The following CADPS2 variants were observed in gnomAD, a reference collection of about 807,000 sequenced individuals.
The protein encoded by CADPS2 is calcium-dependent secretion activator 2.
In CADPS2, 93 loss-of-function variants were observed where a neutral mutation model predicts 172.5. That is an observed-to-expected ratio of 0.54 (90% CI 0.46 to 0.64). CADPS2 has a LOEUF of 0.64. Among genes scored for constraint, CADPS2 ranks in the 30% least tolerant of loss-of-function variants. The pLI, the probability that CADPS2 is intolerant of heterozygous loss-of-function variation, is 0.00. For missense variants in CADPS2, 1,420 were observed against 1,565.9 expected (o/e 0.91, Z 1.57); for synonymous variants, 546 against 555.2 (o/e 0.98, Z 0.23).
chr7:122,872,423 T>C (rs989363469), intron 1 of CADPS2, among the ~76,000 whole-genome samples: 7 of 152,086 alleles, frequency 4.6e-5, no homozygotes, highest in African/African-American at 1.7e-4. Flanking sequence ...CAAAAGCTTA[T>C]AATATAAAAC....
chr7:122,836,349 G>T (rs1038199908), intron 1 of CADPS2, among the ~76,000 whole-genome samples: 4 of 151,904 alleles, frequency 2.6e-5, no homozygotes, highest in Non-Finnish European at 2.9e-5. Context: ...AGACCACCGA[G>T]GCTGGGAAGA....
At chr7:122,869,283 A>T (rs542770188) in intron 1 of CADPS2, among the ~76,000 whole-genome samples, 1 of 152,094 alleles carries the variant, frequency 6.6e-6, no homozygotes, top group Non-Finnish European at 1.5e-5. Context: ...AAGTTAAAAT[A>T]TTGTTTCTAA....
intron 1 of CADPS2, among the ~76,000 whole-genome samples, chr7:122,762,294 C>T (rs1032667412): frequency 6.6e-6 from 1 of 151,660 alleles, no homozygotes; most frequent in African/African-American, 2.4e-5. Flanking sequence ...CAGTGGAATT[C>T]CAGAAAGAGA....
chr7:122,705,745 A>AT (rs2087034615), intron 2 of CADPS2, among the ~76,000 whole-genome samples: 1 of 9,084 alleles, frequency 1.1e-4, no homozygotes, highest in African/African-American at 2.2e-4. Flanking sequence ...TATAATATAT[A>AT]ATATATATAA....
chr7:122,484,746 C>T (rs550242723), intron 11 of CADPS2, among the ~76,000 whole-genome samples: 20 of 151,576 alleles, frequency 1.3e-4, no homozygotes, highest in African/African-American at 3.1e-4. Context: ...TTGCAAATCA[C>T]GTATCTGACA....
intron 29 of CADPS2, among the ~76,000 whole-genome samples, chr7:122,323,804 T>C (rs896605372): frequency 6.8e-5 from 10 of 146,412 alleles, no homozygotes; most frequent in Non-Finnish European, 1.4e-4. Context: ...AATTGTAATA[T>C]TAATCACTGC....
intron 1 of CADPS2, among the ~76,000 whole-genome samples, chr7:122,750,360 T>A (rs914567450): frequency 6.6e-6 from 1 of 152,178 alleles, no homozygotes; most frequent in Non-Finnish European, 1.5e-5. Context: ...CTAAAAAGAA[T>A]CCATTATTTA....
chr7:122,356,623 A>T (rs1460736239), intron 27 of CADPS2, among the ~76,000 whole-genome samples: 1 of 152,186 alleles, frequency 6.6e-6, no homozygotes, highest in Non-Finnish European at 1.5e-5. Context: ...GTTCTTCTGC[A>T]TGGGAGAGCT....
At chr7:122,454,569 T>C (rs1002284024) in intron 14 of CADPS2, among the ~76,000 whole-genome samples, 1 of 152,154 alleles carries the variant, frequency 6.6e-6, no homozygotes, top group African/African-American at 2.4e-5. Flanking sequence ...GGTGGAGACG[T>C]TAAAAACCAA....
intron 2 of CADPS2, among the ~76,000 whole-genome samples, chr7:122,709,299 T>C (rs1041141619): frequency 6.6e-6 from 1 of 151,938 alleles, no homozygotes; most frequent in Admixed American, 6.6e-5. Context: ...AAAAGACACA[T>C]GAAAAAATGC....
chr7:122,436,610 A>G (rs1364215800), intron 17 of CADPS2, among the ~76,000 whole-genome samples: 1 of 151,914 alleles, frequency 6.6e-6, no homozygotes, highest in African/African-American at 2.4e-5. Context: ...TGTTGTTGCT[A>G]TTTTTTAAAG....
chr7:122,574,944 A>G (rs1465041457), intron 7 of CADPS2, among the ~76,000 whole-genome samples: 2 of 152,164 alleles, frequency 1.3e-5, no homozygotes, highest in Non-Finnish European at 2.9e-5. Context: ...ACCAAGTGAT[A>G]ATACTTAATT....
chr7:122,621,776 C>T (rs573434792), intron 4 of CADPS2, 59 bp from the exon 5 acceptor site: 8 of 962,368 alleles, frequency 8.3e-6, no homozygotes, highest in East Asian at 2.6e-5. Flanking sequence ...TTTTATCATA[C>T]AAAATTGTAT....
chr7:122,414,283 T>C lies in CADPS2; in HGVS notation c.2581-207A>G, dbSNP rs1220459881. ...GATATACATTTTAATTGTGTTTGGATACATTATACTTTGACAAGCATTTTA... is the reference window on the plus strand; with the variant it reads ...GATATACATTTTAATTGTGTTTGGACACATTATACTTTGACAAGCATTTTA... On this transcript the variant is annotated intron_variant, in intron 18 of 29. Transcript: ENST00000449022. Among the ~76,000 whole-genome samples, 4 of 152,230 alleles carry C rather than the reference T, an allele frequency of 2.6e-5. No individual in the cohort carries two copies. In the South Asian group the frequency reaches 8.3e-4, roughly 31 times the overall value.
chr7:122,817,444 G>T (rs185959157), intron 1 of CADPS2, among the ~76,000 whole-genome samples: 2 of 151,798 alleles, frequency 1.3e-5, no homozygotes, highest in East Asian at 3.9e-4. Context: ...CATTTTCTGG[G>T]AGAGACAAAG....
chr7:122,705,674 T>A (rs1228053389), intron 2 of CADPS2, among the ~76,000 whole-genome samples: 1 of 84,748 alleles, frequency 1.2e-5, no homozygotes, highest in South Asian at 3.1e-4. Context: ...TATAATATAT[T>A]ATATAATATA....
At chr7:122,815,478 C>T (rs1801091037) in intron 1 of CADPS2, among the ~76,000 whole-genome samples, 1 of 152,030 alleles carries the variant, frequency 6.6e-6, no homozygotes. Flanking sequence ...AACATTAACC[C>T]TCATTTAGAA....
chr7:122,854,448 G>A (rs1814622396), intron 1 of CADPS2, among the ~76,000 whole-genome samples: 1 of 152,172 alleles, frequency 6.6e-6, no homozygotes, highest in Admixed American at 6.5e-5. Flanking sequence ...CAAAGAAGAG[G>A]AAGCAGATGA....
chr7:122,688,143 C>G (rs764826427), intron 2 of CADPS2, among the ~76,000 whole-genome samples: 30 of 152,214 alleles, frequency 2.0e-4, no homozygotes, highest in Non-Finnish European at 4.1e-4. Context: ...TCTACTCCCC[C>G]TGACCCATAC....
Sources: gnomAD v4.1 joint callset for allele counts (sites outside exome capture counted in the v4.1 genomes callset) on GRCh38, gnomAD v4.1.1 for gene constraint, MANE v1.5 for transcripts, NCBI Gene and HGNC (gene_info 2026-07-23, HGNC 2026-07-21) for gene names.